Variants in RHOBTB3 observed in about 807,000 individuals in gnomAD.
The protein encoded by RHOBTB3 is Rho related BTB domain containing 3.
Under a neutral mutation model 67.2 loss-of-function variants are expected in RHOBTB3, and 47 were observed. The ratio of observed to expected loss-of-function variants is 0.70; its 90% CI spans 0.55 to 0.89. The LOEUF is 0.89. Ranked by LOEUF, RHOBTB3 falls within the 40% of genes least tolerant of loss-of-function variation. The pLI is 0.00. For synonymous variants in RHOBTB3, 273 were observed against 274.2 expected, an observed-to-expected ratio of 1.00 and a Z score of 0.04; for missense variants, 631 against 750.0, an observed-to-expected ratio of 0.84 and a Z score of 1.85.
chr5:95,792,726 A>G (rs2112845028), intron 11 of RHOBTB3, among the ~76,000 whole-genome samples: 1 of 149,438 alleles, frequency 6.7e-6, no homozygotes, highest in South Asian at 2.2e-4. Flanking sequence ...GGGGAGGCAG[A>G]GGTTGCAGTG....
chr5:95,767,757 G>GACTCAT, intron 7 of RHOBTB3: 3 of 690,694 alleles, frequency 4.3e-6, no homozygotes, highest in Non-Finnish European at 8.0e-6. Context: ...TCTCAACAAA[G>GACTCAT]ACTCATAGGG....
At chr5:95,737,428 A>C (rs556089286) in intron 3 of RHOBTB3, among the ~76,000 whole-genome samples, 10 of 152,322 alleles carry the variant, frequency 6.6e-5, no homozygotes, top group Admixed American at 5.2e-4. Flanking sequence ...TGGGAAGGAT[A>C]GATTGTTCAC....
At position 95,732,085 on chromosome 5, in the gene RHOBTB3, G is replaced by A. The variant is rs1755289795; in HGVS notation, c.228+1G>A. The A allele has an allele frequency of 6.2e-7, 1 of 1,613,540 alleles. No individual in the cohort carries two copies. Among genetic ancestry groups the A allele is most frequent in the Non-Finnish European group, 8.5e-7 (1 of 1,179,446 alleles). On this transcript the variant is annotated splice_donor_variant, in intron 2 of 11. Transcript: ENST00000379982. LOFTEE classifies it high-confidence loss of function. ...GGTGGTCCACGACTGTCCCGTCTGG[G>A]TAAGGAAGAGCAGCTGCTCCGCGCT...
At chr5:95,776,155 C>T (rs998738304) in intron 8 of RHOBTB3, among the ~76,000 whole-genome samples, 1 of 151,964 alleles carries the variant, frequency 6.6e-6, no homozygotes, top group African/African-American at 2.4e-5. Flanking sequence ...GGCTGTAATC[C>T]CAGCACTTTT....
intron 11 of RHOBTB3, chr5:95,789,296 C>T (rs928935608): frequency 6.4e-6 from 1 of 156,146 alleles, no homozygotes. Flanking sequence ...TACTGGATAT[C>T]TGTATTTACT....
Position 95,731,341 on chromosome 5 carries a change from G to A in RHOBTB3, c.-342G>A. 4 of 1,112,990 alleles carry A rather than the reference G, an allele frequency of 3.6e-6. No homozygotes were observed. The highest frequency in any genetic ancestry group is 4.4e-6 in the Non-Finnish European group (4 of 915,112). The allele number at this position is 1,112,990 out of a possible 1,614,324, so 68.9% of individuals were successfully genotyped here. A position where few individuals can be genotyped will look rare whatever the true frequency, so the allele number is the denominator to read the frequency against. Reference sequence around the variant, plus strand: ...GGAGGAGCAGCGGCAGCGGCAGCAGGAGGCGACAGCTGCCAGCCGAGGAGG... The same window carrying A: ...GGAGGAGCAGCGGCAGCGGCAGCAGAAGGCGACAGCTGCCAGCCGAGGAGG... On this transcript the variant is annotated 5_prime_UTR_variant, in exon 1 of 12. Coordinates refer to ENST00000379982, the MANE Select transcript of RHOBTB3 (RefSeq NM_014899.4).
At chr5:95,757,379 C>T (rs976996323) in intron 6 of RHOBTB3, among the ~76,000 whole-genome samples, 1 of 152,176 alleles carries the variant, frequency 6.6e-6, no homozygotes, top group African/African-American at 2.4e-5. Context: ...AATCATGTAG[C>T]GATAACCTGT....
At chr5:95,723,810 C>G (rs1754968224) in intron 1 of RHOBTB3, among the ~76,000 whole-genome samples, 1 of 152,160 alleles carries the variant, frequency 6.6e-6, no homozygotes, top group African/African-American at 2.4e-5. Context: ...ACTGTGCTGT[C>G]TCTAAGCTTG....
intron 9 of RHOBTB3, among the ~76,000 whole-genome samples, chr5:95,781,148 C>T (rs1336262175): frequency 6.6e-6 from 1 of 152,120 alleles, no homozygotes; most frequent in Non-Finnish European, 1.5e-5. Context: ...TTTCTACAGG[C>T]CTGGAGCCTT....
intron 10 of RHOBTB3, among the ~76,000 whole-genome samples, chr5:95,788,150 A>G (rs1323191231): frequency 2.0e-5 from 3 of 152,248 alleles, no homozygotes; most frequent in East Asian, 3.8e-4. Context: ...CACCAAGGTG[A>G]TGATGTCAGT....
intron 3 of RHOBTB3, among the ~76,000 whole-genome samples, chr5:95,745,453 A>G (rs952240933): frequency 2.6e-5 from 4 of 152,144 alleles, no homozygotes; most frequent in Admixed American, 1.3e-4. Flanking sequence ...TTAAGCTCCC[A>G]AAGACAGGCA....
upstream of RHOBTB3, among the ~76,000 whole-genome samples, chr5:95,726,784 G>C (rs1357659758): frequency 6.6e-6 from 1 of 152,082 alleles, no homozygotes; most frequent in African/African-American, 2.4e-5. Flanking sequence ...AACAGAAACT[G>C]CAACATGTGG....
At chr5:95,731,809 C>G in intron 1 of RHOBTB3, 50 bp from the exon 2 acceptor site, 1 of 1,599,846 alleles carries the variant, frequency 6.3e-7, no homozygotes, top group Non-Finnish European at 8.5e-7. Flanking sequence ...AGGAGAGACC[C>G]GCGCGCTGAC....
At chr5:95,791,503 C>T (rs1580434093) in intron 11 of RHOBTB3, among the ~76,000 whole-genome samples, 2 of 152,162 alleles carry the variant, frequency 1.3e-5, no homozygotes, top group Non-Finnish European at 2.9e-5. Flanking sequence ...AGGGAGTAGT[C>T]TCATGTCACC....
At chr5:95,718,197 T>G (rs1346432786) in intron 1 of RHOBTB3, among the ~76,000 whole-genome samples, 2 of 152,124 alleles carry the variant, frequency 1.3e-5, no homozygotes, top group Non-Finnish European at 2.9e-5. Context: ...TCTAGCCGTA[T>G]GGGGAAGAAA....
rs1177199957 is a variant in RHOBTB3 at position 95,766,825 on chromosome 5, C to T, written c.1162-1221C>T. Among the ~76,000 whole-genome samples, 5 of 152,170 alleles carry T rather than the reference C, an allele frequency of 3.3e-5. No individual in the cohort carries two copies. In the East Asian group the frequency reaches 5.8e-4, roughly 18 times the overall value. ...ACGAGTTATCAAGGGTGAGAGTCTC[C>T]GGAACGCCAGATCAAAAACCCAGGA... On this transcript the variant is annotated intron_variant, in intron 7 of 11. Coordinates refer to ENST00000379982, the MANE Select transcript of RHOBTB3 (RefSeq NM_014899.4).
intron 2 of RHOBTB3, chr5:95,732,845 A>G (rs1437090694): frequency 1.3e-5 from 2 of 152,248 alleles, no homozygotes; most frequent in East Asian, 1.9e-4. Context: ...TATTTTCAGC[A>G]TACAATAACA....
rs144419125 is a variant in RHOBTB3, at chr5:95,737,947, C to G, written c.415+872C>G. On this transcript the variant is annotated intron_variant, in intron 3 of 11. Coordinates refer to ENST00000379982, the MANE Select transcript of RHOBTB3 (RefSeq NM_014899.4). ...CAACACAGATTAGTTTTACCTATTT[C>G]TGAACTTCATACAAATGAAATTATA... is the stretch of plus-strand genomic sequence containing the variant. Among the ~76,000 whole-genome samples, 610 of 152,296 alleles carry G rather than the reference C, an allele frequency of 4.0e-3. 7 individuals carry two copies. The highest frequency in any genetic ancestry group is 0.014 in the African/African-American group (587 of 41,568).
At chr5:95,726,279 A>G (rs541261730), upstream of RHOBTB3, among the ~76,000 whole-genome samples, 24 of 152,376 alleles carry the variant, frequency 1.6e-4, no homozygotes, top group South Asian at 1.2e-3. Context: ...CTTGGCAAGA[A>G]GAAAACTAAG....
Sources: gnomAD v4.1 joint callset for allele counts (sites outside exome capture counted in the v4.1 genomes callset) on GRCh38, gnomAD v4.1.1 for gene constraint, MANE v1.5 for transcripts, NCBI Gene and HGNC (gene_info 2026-07-23, HGNC 2026-07-21) for gene names.